STAG1: variants seen among roughly 807,000 people sequenced by gnomAD.
The protein encoded by STAG1 is cohesin subunit SA-1.
Under a neutral mutation model 170.9 loss-of-function variants are expected in STAG1, and 26 were observed. That is an observed-to-expected ratio of 0.15 (90% CI 0.11 to 0.21). The LOEUF (loss-of-function observed/expected upper bound fraction) is 0.21. STAG1 is among the 10% of genes least tolerant of loss of function. The pLI is 1.00. For missense variants in STAG1, 964 were observed against 1,509.5 expected, an observed-to-expected ratio of 0.64 and a Z score of 5.99; for synonymous variants, 514 against 497.7, an observed-to-expected ratio of 1.03 and a Z score of -0.44.
intron 3 of STAG1, among the ~76,000 whole-genome samples, chr3:136,620,314 A>G (rs1324768747): frequency 6.6e-6 from 1 of 152,188 alleles, no homozygotes; most frequent in Non-Finnish European, 1.5e-5. Flanking sequence ...TTCAAAATGC[A>G]GCTAGTTGAT....
At chr3:136,522,830 G>T (rs1244668104) in intron 6 of STAG1, among the ~76,000 whole-genome samples, 3 of 149,882 alleles carry the variant, frequency 2.0e-5, no homozygotes, top group Non-Finnish European at 4.4e-5. Flanking sequence ...TTGGTTTTTT[G>T]TCCTTGTGAT....
chr3:136,702,118 A>T (rs887693623), intron 1 of STAG1, among the ~76,000 whole-genome samples: 1 of 72,370 alleles, frequency 1.4e-5, no homozygotes, highest in Non-Finnish European at 3.1e-5. Context: ...AGAGAGAGAG[A>T]GAGACAGAGA....
intron 10 of STAG1, among the ~76,000 whole-genome samples, chr3:136,476,502 C>A (rs933840976): frequency 2.0e-5 from 3 of 152,092 alleles, no homozygotes; most frequent in Admixed American, 1.3e-4. Flanking sequence ...AAAAGTATTA[C>A]GTAACATGTA....
chr3:136,752,159 C>T (rs1331123853), intron 1 of STAG1, 36 bp downstream of exon 1: 2 of 153,594 alleles, frequency 1.3e-5, no homozygotes, highest in Non-Finnish European at 1.5e-5. Flanking sequence ...CCCCTCTTTC[C>T]CGCCCCCCGC....
At chr3:136,467,096 T>G (rs938274017) in intron 12 of STAG1, among the ~76,000 whole-genome samples, 1 of 152,172 alleles carries the variant, frequency 6.6e-6, no homozygotes, top group African/African-American at 2.4e-5. Flanking sequence ...CCGCATCAAC[T>G]AATGAGCAAA....
At chr3:136,682,936 TAAAA>T (rs1942388458) in intron 1 of STAG1, among the ~76,000 whole-genome samples, 2 of 152,232 alleles carry the variant, frequency 1.3e-5, no homozygotes, top group South Asian at 4.1e-4. Context: ...TATTCAGCCT[TAAAA>T]AAGGAAATTC....
chr3:136,623,889 G>T (rs1356741767), intron 2 of STAG1, among the ~76,000 whole-genome samples: 1 of 152,028 alleles, frequency 6.6e-6, no homozygotes, highest in Non-Finnish European at 1.5e-5. Flanking sequence ...CGCGGAGGTT[G>T]CAGTGAGCCG....
In STAG1 at chr3:136,377,755, G is replaced by T; in HGVS notation, c.2278-3C>A. 6.2e-7 allele frequency: 1 copy of T among 1,613,068 alleles called. No homozygotes were observed. ...TTCCTCAATACCAACAAATCCTCCT[G>T]TAAGACACATTCAAATTTGCAAGCG... On this transcript the variant is annotated splice_polypyrimidine_tract_variant and splice_region_variant and intron_variant, in intron 22 of 33. Coordinates refer to ENST00000383202, the MANE Select transcript of STAG1 (RefSeq NM_005862.3).
At chr3:136,378,958 T>C (rs1477181951) in intron 22 of STAG1, among the ~76,000 whole-genome samples, 4 of 152,232 alleles carry the variant, frequency 2.6e-5, no homozygotes, top group Admixed American at 1.3e-4. Flanking sequence ...CTCTATTTTA[T>C]ACAGATGACA....
chr3:136,422,827 A>C lies in STAG1; in HGVS notation c.1774T>G (p.Leu592Val), dbSNP rs1316034361. 3 of 1,610,174 alleles carry C rather than the reference A, an allele frequency of 1.9e-6. No individual in the cohort carries two copies. In the African/African-American group the frequency reaches 4.0e-5, roughly 22 times the overall value. Residue 592 changes from leucine to valine, a missense_variant, in exon 18 of 34, where the codon TTG becomes GTG. Leu to Val is a conservative substitution (Grantham distance 32). This residue lies in a region of STAG1 where 232 missense variants were observed against 313.0 expected (regional missense o/e 0.74). Transcript: ENST00000383202. ...TCAAAATACTGTGGGATTTGTAGCA[A>C]GTTTGCTACCTTCTCTGCATCTGCA... is the stretch of plus-strand genomic sequence containing the variant. ...YSADAEKVAN[L>V]LQIPQYFDLE...
intron 4 of STAG1, among the ~76,000 whole-genome samples, chr3:136,598,576 G>A (rs767507208): frequency 6.6e-5 from 10 of 151,874 alleles, no homozygotes; most frequent in Non-Finnish European, 1.0e-4. Context: ...ATAGGCGCCC[G>A]CCACCACGCC....
chr3:136,436,351 G>A (rs36128377), intron 15 of STAG1, among the ~76,000 whole-genome samples: 4 of 149,776 alleles, frequency 2.7e-5, no homozygotes, highest in South Asian at 2.2e-4. Context: ...GCGTGATCTC[G>A]GCTCACTGCA....
At chr3:136,373,524 G>A (rs959112426) in intron 23 of STAG1, among the ~76,000 whole-genome samples, 31 of 152,122 alleles carry the variant, frequency 2.0e-4, no homozygotes, top group African/African-American at 7.2e-4. Flanking sequence ...CTTTGAATGT[G>A]TCCCAGAGAT....
intron 1 of STAG1, among the ~76,000 whole-genome samples, chr3:136,660,943 T>G (rs1294182945): frequency 6.6e-6 from 1 of 152,134 alleles, no homozygotes; most frequent in East Asian, 1.9e-4. Flanking sequence ...CACTCCAGCC[T>G]GGGCAACAAG....
intron 9 of STAG1, among the ~76,000 whole-genome samples, chr3:136,496,827 T>A: frequency 6.7e-6 from 1 of 148,210 alleles, no homozygotes; most frequent in East Asian, 2.0e-4. Context: ...AATAGAAAAA[T>A]TCAATATAAA....
intron 1 of STAG1, among the ~76,000 whole-genome samples, chr3:136,647,506 T>A (rs1576711767): frequency 6.6e-6 from 1 of 152,038 alleles, no homozygotes; most frequent in South Asian, 2.1e-4. Context: ...GAGGCAGAGG[T>A]TGCTGTGAGC....
chr3:136,544,758 C>CAA (rs33968101), intron 5 of STAG1, among the ~76,000 whole-genome samples: 53,617 of 146,338 alleles, frequency 0.37, 12,032 homozygotes, highest in East Asian at 0.81. Flanking sequence ...GAGCAAGACT[C>CAA]AAAAAAAAAA....
rs1935714152 is a variant in STAG1, at chr3:136,337,185, T to TA, written c.*1068dup. 6.5e-6 allele frequency: 1 copy of TA among 152,678 alleles called. No homozygotes were observed. The allele number at this position is 152,678 out of a possible 1,614,324, so 9.5% of individuals were successfully genotyped here. A position where few individuals can be genotyped will look rare whatever the true frequency, so the allele number is the denominator to read the frequency against. ...GACTTCTATGCAGCACATACTTCTA[T>TA]AATCAGTAAACTTAATTCACAAAAT... On this transcript the variant is annotated 3_prime_UTR_variant, in exon 34 of 34. Transcript: ENST00000383202.
At chr3:136,651,376 TA>T (rs57372663) in intron 1 of STAG1, among the ~76,000 whole-genome samples, 908 of 121,948 alleles carry the variant, frequency 7.4e-3, no homozygotes, top group East Asian at 9.2e-3. Flanking sequence ...ACCAAAAATT[TA>T]AAAAAAAAAA....
Sources: gnomAD v4.1 joint callset for allele counts (sites outside exome capture counted in the v4.1 genomes callset) on GRCh38, gnomAD v4.1.1 for gene constraint, gnomAD v4.1.1 regional missense constraint, MANE v1.5 for transcripts, NCBI Gene and HGNC (gene_info 2026-07-23, HGNC 2026-07-21) for gene names.